Variants in STARD13 observed in about 807,000 individuals in gnomAD.
The protein encoded by STARD13 is stAR-related lipid transfer protein 13.
Under a neutral mutation model 106.4 loss-of-function variants are expected in STARD13, and 62 were observed. The observed-to-expected ratio is 0.58, with a 90% CI of 0.48 to 0.72. STARD13 has a LOEUF of 0.72. Ranked by LOEUF, STARD13 falls within the 30% of genes least tolerant of loss-of-function variation. The pLI, the probability that STARD13 is intolerant of heterozygous loss-of-function variation, is 0.00. For synonymous variants in STARD13, 565 were observed against 553.0 expected, an observed-to-expected ratio of 1.02 and a Z score of -0.31; for missense variants, 1,387 against 1,424.0, an observed-to-expected ratio of 0.97 and a Z score of 0.42.
intron 8 of STARD13, among the ~76,000 whole-genome samples, chr13:33,115,808 T>C (rs1183169028): frequency 6.6e-6 from 1 of 152,180 alleles, no homozygotes; most frequent in Non-Finnish European, 1.5e-5. Flanking sequence ...TCTCTTCTTG[T>C]CTTGGAATGT....
intron 1 of STARD13, among the ~76,000 whole-genome samples, chr13:33,171,309 G>A (rs904113170): frequency 6.6e-5 from 10 of 152,194 alleles, no homozygotes; most frequent in African/African-American, 1.9e-4. Context: ...TGAAACCAGA[G>A]AGTGGACCTG....
chr13:33,648,719 T>G, the STARD13 span, among the ~76,000 whole-genome samples: 1 of 151,940 alleles, frequency 6.6e-6, no homozygotes, highest in African/African-American at 2.4e-5. Flanking sequence ...TCACAGCTAC[T>G]TACCAAAGAG....
exon 1 of STARD13, chr13:33,350,624 G>T (rs955126704): frequency 7.3e-7 from 1 of 1,378,626 alleles, no homozygotes; most frequent in Non-Finnish European, 9.4e-7. Flanking sequence ...CGCCGCGCTA[G>T]GTTATTAACC....
the STARD13 span, among the ~76,000 whole-genome samples, chr13:33,488,267 C>T: frequency 6.6e-6 from 1 of 152,188 alleles, no homozygotes; most frequent in Non-Finnish European, 1.5e-5. Flanking sequence ...TCCAGAGGGC[C>T]ACCTTAGAGG....
rs1157021254 is a variant in STARD13 at position 33,129,342 on chromosome 13, C to G, written c.1335G>C (p.Arg445=). ...REQVPGAREP[R]LMASCHRASR... ...TGGCTCTGTGGCAGGACGCCATGAG[C>G]CGGGGCTCCCTGGCACCAGGGACCT... The change falls in exon 5 of 14, where the codon CGG becomes CGC. Residue 445 remains arginine (R), a synonymous_variant. Coordinates refer to ENST00000336934, the MANE Select transcript of STARD13 (RefSeq NM_178006.4). The G allele has an allele frequency of 6.2e-7, 1 of 1,614,160 alleles. No homozygotes were observed. The highest frequency in any genetic ancestry group is 2.2e-5 in the East Asian group (1 of 44,864).
At chr13:33,546,341 C>G in the STARD13 span, among the ~76,000 whole-genome samples, 1 of 152,046 alleles carries the variant, frequency 6.6e-6, no homozygotes, top group Non-Finnish European at 1.5e-5. Context: ...GTTGTTAGAG[C>G]TTTTTGGCGG....
At chr13:33,607,577 T>C in the STARD13 span, among the ~76,000 whole-genome samples, 2 of 151,936 alleles carry the variant, frequency 1.3e-5, no homozygotes, top group Non-Finnish European at 2.9e-5. Flanking sequence ...ATTACAGGTG[T>C]GAGCCACCAC....
Position 33,105,637 on chromosome 13 carries a change from A to T in STARD13, c.3298T>A (p.Ser1100Thr). ...CCCTCAGCAATGAGGGGCTGGAAAGAGTTTCTAATCCTGGCAACTTCTGCT... is the reference window on the plus strand; with the variant it reads ...CCCTCAGCAATGAGGGGCTGGAAAGTGTTTCTAATCCTGGCAACTTCTGCT... ...CAAEVARIRNSFQPLIAEGPE... is the reference protein window; with the variant it reads ...CAAEVARIRNTFQPLIAEGPE... The change falls in exon 14 of 14, where the codon TCT becomes ACT. Residue 1100 changes from serine (S) to threonine (T), a missense_variant. Transcript: ENST00000336934. The T allele has an allele frequency of 6.2e-7, 1 of 1,614,118 alleles. No individual in the cohort carries two copies.
the STARD13 span, among the ~76,000 whole-genome samples, chr13:33,456,071 C>T: frequency 6.6e-6 from 1 of 152,222 alleles, no homozygotes; most frequent in African/African-American, 2.4e-5. Flanking sequence ...TGGAACACAG[C>T]CATGAGCATT....
the STARD13 span, among the ~76,000 whole-genome samples, chr13:33,660,219 GT>G: frequency 5.3e-5 from 8 of 152,068 alleles, no homozygotes; most frequent in South Asian, 2.1e-4. Flanking sequence ...CTGAATTCAT[GT>G]TTTTTTATGT....
intron 7 of STARD13, among the ~76,000 whole-genome samples, chr13:33,120,771 C>T (rs1008326594): frequency 4.1e-5 from 6 of 145,460 alleles, no homozygotes; most frequent in Non-Finnish European, 7.8e-5. Context: ...CGTTCTATTT[C>T]CTGACTTTTT....
chr13:33,267,058 C>T (rs1890931893), intron 1 of STARD13, among the ~76,000 whole-genome samples: 1 of 152,164 alleles, frequency 6.6e-6, no homozygotes, highest in African/African-American at 2.4e-5. Context: ...AAATTTACCA[C>T]TATCTTATCA....
At chr13:33,609,425 G>A in the STARD13 span, among the ~76,000 whole-genome samples, 1 of 152,048 alleles carries the variant, frequency 6.6e-6, no homozygotes, top group Admixed American at 6.6e-5. Flanking sequence ...CAATTAATCG[G>A]GTGCACTAAG....
At chr13:33,120,283 G>T (rs1047254414) in intron 7 of STARD13, among the ~76,000 whole-genome samples, 1 of 152,156 alleles carries the variant, frequency 6.6e-6, no homozygotes, top group Non-Finnish European at 1.5e-5. Flanking sequence ...CGTGTCTTGC[G>T]GGCTGTTTCT....
At chr13:33,573,311 CAT>C in the STARD13 span, among the ~76,000 whole-genome samples, 3 of 152,120 alleles carry the variant, frequency 2.0e-5, no homozygotes, top group African/African-American at 7.2e-5. Flanking sequence ...CCATGGAAAA[CAT>C]GTGCTCTAGT....
intron 1 of STARD13, among the ~76,000 whole-genome samples, chr13:33,253,704 C>G (rs1183077878): frequency 6.6e-6 from 1 of 152,030 alleles, no homozygotes; most frequent in Non-Finnish European, 1.5e-5. Flanking sequence ...CACGGTGACC[C>G]CCTTCAATGT....
chr13:33,516,476 TA>T, the STARD13 span, among the ~76,000 whole-genome samples: 1 of 152,068 alleles, frequency 6.6e-6, no homozygotes, highest in African/African-American at 2.4e-5. Flanking sequence ...ACTGGTCAAA[TA>T]AATCTTCCTT....
chr13:33,524,044 C>G, the STARD13 span, among the ~76,000 whole-genome samples: 1 of 151,996 alleles, frequency 6.6e-6, no homozygotes, highest in Non-Finnish European at 1.5e-5. Flanking sequence ...ATATTAACAA[C>G]TATATATGTT....
chr13:33,444,583 T>C, the STARD13 span, among the ~76,000 whole-genome samples: 45 of 152,118 alleles, frequency 3.0e-4, no homozygotes, highest in Non-Finnish European at 5.0e-4. Context: ...CTGGGAAACA[T>C]GAGGAGATCC....
Sources: allele counts gnomAD v4.1 joint callset (sites outside exome capture counted in the v4.1 genomes callset), GRCh38; gene constraint gnomAD v4.1.1; transcripts MANE v1.5; gene names NCBI Gene and HGNC (gene_info 2026-07-23, HGNC 2026-07-21).